Variants in CTNNA2 observed in about 807,000 individuals in gnomAD.
CTNNA2 encodes catenin alpha-2.
CTNNA2 carries 42 observed loss-of-function variants against 101.0 expected under a neutral mutation model. The ratio of observed to expected loss-of-function variants is 0.42; its 90% CI spans 0.32 to 0.54. The LOEUF is 0.54. Among genes scored for constraint, CTNNA2 ranks in the 20% least tolerant of loss-of-function variants. CTNNA2 has a pLI of 0.14. For synonymous variants in CTNNA2, 450 were observed against 456.4 expected (o/e 0.99, Z 0.18); for missense variants, 871 against 1,223.1 (o/e 0.71, Z 4.29).
rs74482545 is a variant in CTNNA2 at position 79,278,580 on chromosome 2, G to A, written c.-405-34129G>A. Among the ~76,000 whole-genome samples the A allele has an allele frequency of 2.9e-3, 439 of 152,144 alleles. 11 individuals carry two copies. In the East Asian group the frequency reaches 0.059, roughly 20 times the overall value. On this transcript the variant is annotated intron_variant, in intron 2 of 21. Transcript: ENST00000466387. ...TGTATTACATTATGCAAATTGAAAA[G>A]TATAAGTCCCCGTTGTACTTGTTTG...
At chr2:80,581,905 G>A (rs987225402) in intron 14 of CTNNA2, 86 bp downstream of exon 14, 41 of 748,144 alleles carry the variant, frequency 5.5e-5, no homozygotes, top group Admixed American at 3.0e-4. Flanking sequence ...CTCCAGACAC[G>A]TGGTACCCCA....
chr2:80,432,022 T>C (rs138292501), intron 9 of CTNNA2, among the ~76,000 whole-genome samples: 74 of 152,286 alleles, frequency 4.9e-4, no homozygotes, highest in African/African-American at 1.4e-3. Flanking sequence ...TTTTTTAGTT[T>C]TAATAATATA....
intron 3 of CTNNA2, among the ~76,000 whole-genome samples, chr2:79,807,372 G>C (rs113369819): frequency 0.02 from 3,104 of 152,018 alleles, 95 homozygotes; most frequent in African/African-American, 0.07. Flanking sequence ...TCAAGCATAT[G>C]GTTTCTTTGG....
intron 2 of CTNNA2, among the ~76,000 whole-genome samples, chr2:79,665,457 A>C (rs1019167734): frequency 6.6e-6 from 1 of 152,164 alleles, no homozygotes; most frequent in African/African-American, 2.4e-5. Context: ...GATTTAGTAA[A>C]TTTCTGTTGA....
intron 9 of CTNNA2, among the ~76,000 whole-genome samples, chr2:80,446,683 AC>A (rs946124725): frequency 2.0e-5 from 3 of 152,222 alleles, no homozygotes; most frequent in African/African-American, 7.2e-5. Context: ...CAGACTTAAA[AC>A]CCTTTTCAAC....
intron 2 of CTNNA2, among the ~76,000 whole-genome samples, chr2:79,676,234 G>A (rs552279214): frequency 3.7e-4 from 56 of 152,328 alleles, no homozygotes; most frequent in African/African-American, 1.3e-3. Flanking sequence ...GAAACTTTTA[G>A]TGGATCAAGA....
intron 7 of CTNNA2, among the ~76,000 whole-genome samples, chr2:80,209,039 T>C (rs561313250): frequency 6.6e-6 from 1 of 152,220 alleles, no homozygotes; most frequent in Non-Finnish European, 1.5e-5. Context: ...TAAGGAGAAT[T>C]TTAAAGTAAA....
intron 3 of CTNNA2, among the ~76,000 whole-genome samples, chr2:79,779,541 A>C (rs530871850): frequency 6.6e-6 from 1 of 152,194 alleles, no homozygotes; most frequent in South Asian, 2.1e-4. Flanking sequence ...TGTGCTTTTT[A>C]CTTTTTTACT....
chr2:79,372,913 A>G (rs1441963966), intron 3 of CTNNA2, among the ~76,000 whole-genome samples: 2 of 152,186 alleles, frequency 1.3e-5, no homozygotes, highest in African/African-American at 2.4e-5. Context: ...TTCCTTTCCA[A>G]TTCCATGGTT....
intron 9 of CTNNA2, among the ~76,000 whole-genome samples, chr2:80,485,794 G>A (rs1897771): frequency 0.42 from 63,668 of 152,032 alleles, 14,808 homozygotes; most frequent in East Asian, 0.63. Flanking sequence ...AGATTTGGAT[G>A]AAGCAATTTA....
intron 2 of CTNNA2, among the ~76,000 whole-genome samples, chr2:79,250,526 T>G (rs1674756774): frequency 6.6e-6 from 1 of 152,160 alleles, no homozygotes; most frequent in East Asian, 1.9e-4. Context: ...GGTAGGAGGC[T>G]TCAGTTCTAG....
intron 7 of CTNNA2, among the ~76,000 whole-genome samples, chr2:80,212,216 T>A (rs1707939163): frequency 6.6e-6 from 1 of 152,200 alleles, no homozygotes; most frequent in Non-Finnish European, 1.5e-5. Flanking sequence ...TATTTCTTTC[T>A]CCTGCCTGAT....
At chr2:80,547,538 C>T (rs566062047) in intron 11 of CTNNA2, among the ~76,000 whole-genome samples, 8 of 152,244 alleles carry the variant, frequency 5.3e-5, no homozygotes, top group African/African-American at 1.4e-4. Flanking sequence ...CTCTGGCATT[C>T]TCATTCCAAT....
chr2:80,308,461 G>A lies in CTNNA2; in HGVS notation c.1057-84750G>A, dbSNP rs137879124. On this transcript the variant is annotated intron_variant, in intron 7 of 18. Transcript: ENST00000402739. ...AAAGGAAACCTTTAGAAGAATTGGCGGAGAGTGGGAGTCACAATTTCAAAA... is the reference window on the plus strand; with the variant it reads ...AAAGGAAACCTTTAGAAGAATTGGCAGAGAGTGGGAGTCACAATTTCAAAA... Among the ~76,000 whole-genome samples the A allele has an allele frequency of 7.3e-3, 1,112 of 152,268 alleles. 16 individuals are homozygous for A. Among genetic ancestry groups the A allele is most frequent in the African/African-American group, 0.025 (1,047 of 41,566 alleles).
intron 7 of CTNNA2, among the ~76,000 whole-genome samples, chr2:80,329,570 C>T (rs763127545): frequency 9.2e-5 from 14 of 152,070 alleles, no homozygotes; most frequent in Admixed American, 3.9e-4. Context: ...CAGACTGAAA[C>T]GGAAGGGCTG....
chr2:79,702,123 G>A (rs1447591217), intron 2 of CTNNA2, among the ~76,000 whole-genome samples: 3 of 151,698 alleles, frequency 2.0e-5, no homozygotes, highest in Admixed American at 6.6e-5. Context: ...CTTTCATTCT[G>A]TGGAATCGGA....
At chr2:79,956,080 A>G (rs1196390447) in intron 7 of CTNNA2, among the ~76,000 whole-genome samples, 1 of 152,200 alleles carries the variant, frequency 6.6e-6, no homozygotes, top group Non-Finnish European at 1.5e-5. Flanking sequence ...AAAACCAGGC[A>G]TAGTAGTTTC....
intron 7 of CTNNA2, among the ~76,000 whole-genome samples, chr2:80,385,876 A>C (rs1047301787): frequency 1.3e-5 from 2 of 152,092 alleles, no homozygotes; most frequent in Non-Finnish European, 2.9e-5. Context: ...TTCTACCTAC[A>C]ACCTGTGATT....
intron 2 of CTNNA2, among the ~76,000 whole-genome samples, chr2:79,675,517 T>TA (rs1683124050): frequency 6.6e-6 from 1 of 152,220 alleles, no homozygotes; most frequent in Non-Finnish European, 1.5e-5. Flanking sequence ...AAACCAAACA[T>TA]ACCTCTTTAC....
Sources: allele counts gnomAD v4.1 joint callset (sites outside exome capture counted in the v4.1 genomes callset), GRCh38; gene constraint gnomAD v4.1.1; transcripts MANE v1.5; gene names NCBI Gene and HGNC (gene_info 2026-07-23, HGNC 2026-07-21).